PDE4D: variants seen among roughly 807,000 people sequenced by gnomAD.
PDE4D encodes the protein phosphodiesterase 4D.
Under a neutral mutation model 87.4 loss-of-function variants are expected in PDE4D, and 24 were observed. That is an observed-to-expected ratio of 0.27 (90% confidence interval 0.20 to 0.39). PDE4D has a LOEUF of 0.39. PDE4D is among the 10% of genes least tolerant of loss of function. PDE4D has a pLI of 1.00. For missense variants in PDE4D, 714 were observed against 1,041.0 expected, an observed-to-expected ratio of 0.69 and a Z score of 4.32; for synonymous variants, 384 against 383.2, an observed-to-expected ratio of 1.00 and a Z score of -0.02.
chr5:59,181,812 G>A (rs1485002402), intron 4 of PDE4D, among the ~76,000 whole-genome samples: 2 of 152,082 alleles, frequency 1.3e-5, no homozygotes, highest in Admixed American at 6.6e-5. Flanking sequence ...AAACGAATGT[G>A]ATCCTAGGGT....
intron 1 of PDE4D, among the ~76,000 whole-genome samples, chr5:60,213,450 G>A (rs866976293): frequency 1.3e-5 from 2 of 152,050 alleles, no homozygotes; most frequent in Admixed American, 6.5e-5. Context: ...AAAGGTTCAC[G>A]GGCAGCCTTC....
At chr5:59,175,322 C>A (rs1237819423) in intron 5 of PDE4D, among the ~76,000 whole-genome samples, 3 of 152,128 alleles carry the variant, frequency 2.0e-5, no homozygotes, top group African/African-American at 7.2e-5. Context: ...ACCAAAGAAG[C>A]TGACATACCA....
chr5:59,342,540 T>C (rs1778903338), intron 1 of PDE4D, among the ~76,000 whole-genome samples: 1 of 152,150 alleles, frequency 6.6e-6, no homozygotes, highest in Non-Finnish European at 1.5e-5. Context: ...AATGTTGAAA[T>C]GATGAGATCT....
chr5:60,171,898 T>C (rs1034111409), intron 2 of PDE4D, among the ~76,000 whole-genome samples: 2 of 151,854 alleles, frequency 1.3e-5, no homozygotes, highest in African/African-American at 4.8e-5. Flanking sequence ...TCAATTTTAT[T>C]ATTAAAACCT....
chr5:60,154,067 C>T (rs1781751100), intron 2 of PDE4D, among the ~76,000 whole-genome samples: 1 of 151,934 alleles, frequency 6.6e-6, no homozygotes, highest in African/African-American at 2.4e-5. Context: ...TCAAAAATAA[C>T]ACTAAGATTT....
chr5:60,362,915 T>G (rs931293875), intron 1 of PDE4D, among the ~76,000 whole-genome samples: 1 of 151,840 alleles, frequency 6.6e-6, no homozygotes, highest in Non-Finnish European at 1.5e-5. Context: ...GTTTAAAAGA[T>G]TAATTCTGTT....
At chr5:59,861,648 T>A (rs1252523525) in intron 1 of PDE4D, among the ~76,000 whole-genome samples, 1 of 152,214 alleles carries the variant, frequency 6.6e-6, no homozygotes, top group Non-Finnish European at 1.5e-5. Context: ...TGTTCATTTT[T>A]TTTCCCCCAG....
intron 1 of PDE4D, among the ~76,000 whole-genome samples, chr5:59,675,897 G>T (rs916543746): frequency 6.6e-6 from 1 of 152,026 alleles, no homozygotes; most frequent in African/African-American, 2.4e-5. Context: ...TCACTATGTT[G>T]CCCTGGCTGA....
intron 1 of PDE4D, among the ~76,000 whole-genome samples, chr5:60,305,238 T>A (rs1244422128): frequency 6.6e-6 from 1 of 152,034 alleles, no homozygotes; most frequent in Non-Finnish European, 1.5e-5. Flanking sequence ...ATGAAGAGGA[T>A]TCCAGGTAGG....
Position 59,043,391 on chromosome 5 carries a change from C to T in PDE4D, c.809-4420G>A, listed in dbSNP as rs529360794. Among the ~76,000 whole-genome samples, 12 of 152,100 alleles carry T rather than the reference C, an allele frequency of 7.9e-5. No individual in the cohort carries two copies. The South Asian group carries it at 2.1e-3, about 26-fold the overall frequency. On this transcript the variant is annotated intron_variant, in intron 5 of 14. Transcript: ENST00000340635. ...ACAAAATACTAGCCGTGCATGGTGGCGGGCGCCTGTAGTCCCAGCTACTCG... is the reference window on the plus strand; with the variant it reads ...ACAAAATACTAGCCGTGCATGGTGGTGGGCGCCTGTAGTCCCAGCTACTCG...
chr5:59,506,931 T>C (rs955970460), intron 1 of PDE4D, among the ~76,000 whole-genome samples: 2 of 152,210 alleles, frequency 1.3e-5, no homozygotes, highest in Non-Finnish European at 2.9e-5. Flanking sequence ...CTTCTGGCTA[T>C]ATACCCATCA....
At position 59,185,360 on chromosome 5, in the gene PDE4D, C is replaced by T. The variant is rs1742662368; in HGVS notation, c.685-98G>A. The T allele has an allele frequency of 3.7e-6, 3 of 812,750 alleles. No individual in the cohort carries two copies. The Admixed American group carries it at 7.7e-5, about 21-fold the overall frequency. 50.3% of individuals were successfully genotyped at this position (812,750 alleles called of 1,614,324 possible). ...AGAGAAAACTTGATATTGCTTGCAA[C>T]TTAGTTTCATATACCACTAAAGAAT... is the stretch of plus-strand genomic sequence containing the variant. On this transcript the variant is annotated intron_variant, in intron 3 of 14. Transcript: ENST00000340635.
chr5:59,381,101 A>G (rs908900357), intron 1 of PDE4D, among the ~76,000 whole-genome samples: 5 of 152,126 alleles, frequency 3.3e-5, no homozygotes, highest in African/African-American at 1.2e-4. Flanking sequence ...ACATTTTACA[A>G]TGCCCTTTAA....
At chr5:59,231,704 T>C (rs561994746) in intron 1 of PDE4D, among the ~76,000 whole-genome samples, 76 of 152,242 alleles carry the variant, frequency 5.0e-4, no homozygotes, top group Admixed American at 4.6e-4. Flanking sequence ...CATTAGACTT[T>C]CAAATGTCTC....
At chr5:59,701,664 T>C (rs1392534023) in intron 1 of PDE4D, among the ~76,000 whole-genome samples, 1 of 152,186 alleles carries the variant, frequency 6.6e-6, no homozygotes, top group Non-Finnish European at 1.5e-5. Flanking sequence ...GAAGTGCTGG[T>C]TGTGGAAGGT....
At chr5:60,420,561 TAAAG>T (rs914803832) in intron 1 of PDE4D, among the ~76,000 whole-genome samples, 2 of 152,060 alleles carry the variant, frequency 1.3e-5, no homozygotes, top group African/African-American at 2.4e-5. Flanking sequence ...AATCACCAGA[TAAAG>T]AAATAAGATC....
At chr5:59,823,966 C>T (rs1474957909) in intron 1 of PDE4D, among the ~76,000 whole-genome samples, 1 of 151,462 alleles carries the variant, frequency 6.6e-6, no homozygotes, top group African/African-American at 2.4e-5. Context: ...TAGTCTCTGT[C>T]GCTCTCCATT....
intron 1 of PDE4D, among the ~76,000 whole-genome samples, chr5:60,469,965 C>T (rs1373971643): frequency 3.3e-5 from 5 of 152,024 alleles, no homozygotes; most frequent in East Asian, 1.9e-4. Flanking sequence ...ATCAAAAGCT[C>T]GGAATGAATA....
At chr5:59,331,189 T>C (rs1166643049) in intron 1 of PDE4D, among the ~76,000 whole-genome samples, 2 of 152,232 alleles carry the variant, frequency 1.3e-5, no homozygotes, top group Non-Finnish European at 2.9e-5. Context: ...TTGCTCATTG[T>C]AGTTTTTCCC....
Sources: gnomAD v4.1 joint callset for allele counts (sites outside exome capture counted in the v4.1 genomes callset) on GRCh38, gnomAD v4.1.1 for gene constraint, MANE v1.5 for transcripts, NCBI Gene and HGNC (gene_info 2026-07-23, HGNC 2026-07-21) for gene names.